The following CDH13 variants were observed in gnomAD, a reference collection of about 807,000 sequenced individuals.
CDH13 encodes cadherin-13.
A neutral mutation model predicts 63.8 loss-of-function variants in CDH13; 24 were observed. The observed-to-expected ratio is 0.38, with a 90% CI of 0.27 to 0.53. The LOEUF (loss-of-function observed/expected upper bound fraction) is 0.53, where lower values mean the gene tolerates loss of function less well. Among genes scored for constraint, CDH13 ranks in the 20% least tolerant of loss-of-function variants. The pLI, the probability that CDH13 is intolerant of heterozygous loss-of-function variation, is 0.85. For missense variants in CDH13, 1,049 were observed against 903.1 expected, an observed-to-expected ratio of 1.16 and a Z score of -2.07; for synonymous variants, 503 against 355.3, an observed-to-expected ratio of 1.42 and a Z score of -4.67.
chr16:83,577,135 C>A (rs1003189923), intron 7 of CDH13, among the ~76,000 whole-genome samples: 1 of 152,172 alleles, frequency 6.6e-6, no homozygotes, highest in South Asian at 2.1e-4. Flanking sequence ...TGGCTGCGGG[C>A]TTTCACTTCC....
At chr16:83,012,318 CTTTTTTT>C (rs33972456) in intron 2 of CDH13, among the ~76,000 whole-genome samples, 3 of 121,114 alleles carry the variant, frequency 2.5e-5, no homozygotes, top group Non-Finnish European at 5.1e-5. Flanking sequence ...GGTTTCTTTC[CTTTTTTT>C]TTTTTTTTTT....
In CDH13 at chr16:82,780,961, G is replaced by C. The variant is rs16958611; in HGVS notation, c.46-77401G>C. On this transcript the variant is annotated intron_variant, in intron 1 of 13. Transcript: ENST00000567109. ...GGAGGGAGGAAATCACTGTGACTTTGAATCAGGGTCACATTTGGGGTAGCT... is the reference window on the plus strand; with the variant it reads ...GGAGGGAGGAAATCACTGTGACTTTCAATCAGGGTCACATTTGGGGTAGCT... 2.9e-3 allele frequency among the ~76,000 whole-genome samples: 445 copies of C among 152,348 alleles called. 1 individual carries two copies. Among genetic ancestry groups the C allele is most frequent in the African/African-American group, 0.01 (421 of 41,572 alleles).
At chr16:83,476,277 AC>A (rs2073602064) in intron 6 of CDH13, among the ~76,000 whole-genome samples, 1 of 152,212 alleles carries the variant, frequency 6.6e-6, no homozygotes, top group South Asian at 2.1e-4. Context: ...AGTTGTAACA[AC>A]CAAAAGTATC....
At chr16:83,173,550 C>T (rs780450283) in intron 4 of CDH13, among the ~76,000 whole-genome samples, 1 of 152,032 alleles carries the variant, frequency 6.6e-6, no homozygotes, top group East Asian at 1.9e-4. Flanking sequence ...TAAACAATGA[C>T]TAGTGTTTTA....
intron 10 of CDH13, among the ~76,000 whole-genome samples, chr16:83,685,127 A>T (rs1052518303): frequency 2.0e-5 from 3 of 152,182 alleles, no homozygotes; most frequent in Admixed American, 2.0e-4. Flanking sequence ...GACTTTCTGG[A>T]AGTCATCCAC....
At chr16:82,938,539 C>T (rs1295288060) in intron 2 of CDH13, among the ~76,000 whole-genome samples, 1 of 152,200 alleles carries the variant, frequency 6.6e-6, no homozygotes, top group African/African-American at 2.4e-5. Flanking sequence ...CCAGCATCAG[C>T]AGGGGCCTTC....
At chr16:82,951,850 T>C (rs982289760) in intron 2 of CDH13, among the ~76,000 whole-genome samples, 1 of 152,192 alleles carries the variant, frequency 6.6e-6, no homozygotes, top group African/African-American at 2.4e-5. Context: ...TATATCTTCC[T>C]AAGTGTTCCA....
intron 7 of CDH13, among the ~76,000 whole-genome samples, chr16:83,542,002 A>G (rs968672796): frequency 1.3e-5 from 2 of 152,240 alleles, no homozygotes; most frequent in Admixed American, 1.3e-4. Flanking sequence ...TGCTATTAGT[A>G]TTAATGTGTT....
At chr16:82,940,498 G>A (rs1904276046) in intron 2 of CDH13, among the ~76,000 whole-genome samples, 1 of 152,146 alleles carries the variant, frequency 6.6e-6, no homozygotes, top group South Asian at 2.1e-4. Context: ...TTTGCAATCA[G>A]TTTGATGCCT....
chr16:83,664,106 G>A (rs575085755), intron 8 of CDH13, among the ~76,000 whole-genome samples: 104 of 152,048 alleles, frequency 6.8e-4, no homozygotes, highest in Middle Eastern at 6.8e-3. Flanking sequence ...GCAGTGAGCC[G>A]TGATCATAAC....
intron 9 of CDH13, among the ~76,000 whole-genome samples, chr16:83,673,018 T>G (rs1045158835): frequency 6.6e-6 from 1 of 152,222 alleles, no homozygotes; most frequent in Non-Finnish European, 1.5e-5. Context: ...CATTAGTGCT[T>G]TTATGTACTT....
At chr16:83,149,992 C>G (rs1175957355) in intron 4 of CDH13, among the ~76,000 whole-genome samples, 3 of 152,164 alleles carry the variant, frequency 2.0e-5, no homozygotes, top group African/African-American at 7.2e-5. Context: ...AAAGACTGCT[C>G]TTTCCACTTT....
At chr16:83,353,539 G>A (rs2090999011) in intron 6 of CDH13, among the ~76,000 whole-genome samples, 1 of 152,200 alleles carries the variant, frequency 6.6e-6, no homozygotes, top group Non-Finnish European at 1.5e-5. Flanking sequence ...CCAACCAACA[G>A]AACTGTATGT....
At chr16:83,668,130 C>A (rs1213605914) in intron 8 of CDH13, among the ~76,000 whole-genome samples, 1 of 152,158 alleles carries the variant, frequency 6.6e-6, no homozygotes, top group Non-Finnish European at 1.5e-5. Context: ...AATCAGGTGT[C>A]AGTCAACAAG....
chr16:83,462,298 C>G (rs2073201949), intron 6 of CDH13, among the ~76,000 whole-genome samples: 1 of 152,230 alleles, frequency 6.6e-6, no homozygotes, highest in Admixed American at 6.5e-5. Flanking sequence ...AGGAAAAGAA[C>G]TTGGGTTCGA....
At chr16:83,480,063 A>G (rs1178701149) in intron 6 of CDH13, among the ~76,000 whole-genome samples, 1 of 152,210 alleles carries the variant, frequency 6.6e-6, no homozygotes, top group Non-Finnish European at 1.5e-5. Context: ...GATGGCTCAC[A>G]TCTGTAATCC....
chr16:83,087,316 A>G (rs1241435122), intron 3 of CDH13, among the ~76,000 whole-genome samples: 1 of 152,154 alleles, frequency 6.6e-6, no homozygotes, highest in Non-Finnish European at 1.5e-5. Context: ...AATATATATA[A>G]AAAGCTAGCA....
intron 2 of CDH13, among the ~76,000 whole-genome samples, chr16:82,966,383 G>A (rs929474074): frequency 1.3e-5 from 2 of 152,124 alleles, no homozygotes; most frequent in South Asian, 4.1e-4. Context: ...TCCTGACCTC[G>A]TGATCCGCCC....
chr16:83,660,383 C>T (rs1913327925), intron 8 of CDH13, among the ~76,000 whole-genome samples: 2 of 152,108 alleles, frequency 1.3e-5, no homozygotes, highest in African/African-American at 2.4e-5. Context: ...AACCTAGGTC[C>T]CTCGTGTGTG....
Sources: gnomAD v4.1 joint callset for allele counts (sites outside exome capture counted in the v4.1 genomes callset) on GRCh38, gnomAD v4.1.1 for gene constraint, MANE v1.5 for transcripts, NCBI Gene and HGNC (gene_info 2026-07-23, HGNC 2026-07-21) for gene names.